COL28A1: variants seen among roughly 807,000 people sequenced by gnomAD.
COL28A1 encodes the protein collagen type XXVIII alpha 1 chain, also known as collagen alpha-1(XXVIII) chain.
COL28A1 carries 161 observed loss-of-function variants against 150.2 expected under a neutral mutation model. The ratio of observed to expected loss-of-function variants is 1.07; its 90% confidence interval spans 0.94 to 1.22. The LOEUF (loss-of-function observed/expected upper bound fraction) is 1.22, where lower values mean the gene tolerates loss of function less well. Among genes scored for constraint, COL28A1 ranks in the 50% most tolerant of loss-of-function variants. COL28A1 has a pLI of 0.00. For synonymous variants in COL28A1, 552 were observed against 469.7 expected (o/e 1.18, Z -2.26); for missense variants, 1,617 against 1,388.3 (o/e 1.16, Z -2.62).
At position 7,419,904 on chromosome 7, in the gene COL28A1, A is replaced by G; in HGVS notation, c.2048T>C (p.Val683Ala). The change falls in exon 26 of 35, where the codon GTA becomes GCA. Residue 683 changes from valine to alanine, a missense_variant. Physicochemically the swap from Val to Ala is moderately conservative, Grantham distance 64. Coordinates refer to ENST00000399429, the MANE Select transcript of COL28A1 (RefSeq NM_001037763.3). ...ACTCACCTTTGGCCCTTGGGTTCCT[A>G]CGCCCCGAGGCCCAGAAGGACCTGG... is the stretch of plus-strand genomic sequence containing the variant. ...GPPGPSGPRG[V>A]GTQGPKGDTG... 1 of 1,601,016 alleles carries G rather than the reference A, an allele frequency of 6.2e-7. No individual in the cohort carries two copies. Among genetic ancestry groups the G allele is most frequent in the Non-Finnish European group, 8.5e-7 (1 of 1,174,170 alleles).
chr7:7,503,203 T>G (rs536600020), intron 11 of COL28A1, among the ~76,000 whole-genome samples: 1 of 152,322 alleles, frequency 6.6e-6, no homozygotes, highest in African/African-American at 2.4e-5. Flanking sequence ...AGCAGACTTG[T>G]GGGTTTCAAT....
At chr7:7,417,607 G>T in intron 27 of COL28A1, 1 of 415,236 alleles carries the variant, frequency 2.4e-6, no homozygotes, top group South Asian at 3.1e-5. Context: ...TCACAAAGAG[G>T]GGAAAGCAAC....
chr7:7,355,508 G>A (rs895749924), downstream of COL28A1, among the ~76,000 whole-genome samples: 1 of 152,092 alleles, frequency 6.6e-6, no homozygotes, highest in African/African-American at 2.4e-5. Context: ...TACTCAGGAG[G>A]CTGAGGTGAG....
At chr7:7,411,086 A>C (rs1475092331) in intron 27 of COL28A1, among the ~76,000 whole-genome samples, 1 of 152,166 alleles carries the variant, frequency 6.6e-6, no homozygotes, top group Non-Finnish European at 1.5e-5. Context: ...GCTCCATGTG[A>C]GATTTCCACT....
intron 13 of COL28A1, among the ~76,000 whole-genome samples, chr7:7,478,647 G>A (rs1316704160): frequency 6.6e-6 from 1 of 152,244 alleles, no homozygotes; most frequent in Non-Finnish European, 1.5e-5. Flanking sequence ...GCGGGTTGGG[G>A]AGACTCAGGC....
At position 7,531,629 on chromosome 7, in the gene COL28A1, A is replaced by C; in HGVS notation, c.400T>G (p.Tyr134Asp). 6.2e-7 allele frequency: 1 copy of C among 1,605,488 alleles called. No homozygotes were observed. Among genetic ancestry groups the C allele is most frequent in the Non-Finnish European group, 8.5e-7 (1 of 1,172,050 alleles). Residue 134 changes from tyrosine to aspartate, a missense_variant, in exon 3 of 35, where the codon TAT becomes GAT. Tyr to Asp is a radical substitution (Grantham distance 160, BLOSUM62 -3). Transcript: ENST00000399429. ...CTAGTGGCATTGGAAATGGCATAAT[A>C]AGAGAAGGTACCTTGCCCTATTAAA... is the stretch of plus-strand genomic sequence containing the variant. ...MNLIGQGTFS[Y>D]YAISNATRLL...
intron 3 of COL28A1, among the ~76,000 whole-genome samples, chr7:7,530,387 C>G (rs10259911): frequency 6.6e-6 from 1 of 152,174 alleles, no homozygotes; most frequent in East Asian, 1.9e-4. Context: ...AGAAAAAGAT[C>G]GAGGGATAAG....
chr7:7,357,261 G>C (rs1437477409), downstream of COL28A1, among the ~76,000 whole-genome samples: 1 of 152,140 alleles, frequency 6.6e-6, no homozygotes, highest in Non-Finnish European at 1.5e-5. Flanking sequence ...TGTTGGCCAG[G>C]CTGTTCTCAA....
At chr7:7,400,244 G>T (rs968611660) in intron 27 of COL28A1, among the ~76,000 whole-genome samples, 4 of 152,278 alleles carry the variant, frequency 2.6e-5, no homozygotes, top group African/African-American at 9.6e-5. Flanking sequence ...TGTGGCATGG[G>T]TGATTATCCT....
At chr7:7,460,702 T>C (rs919110503) in intron 15 of COL28A1, among the ~76,000 whole-genome samples, 2 of 152,246 alleles carry the variant, frequency 1.3e-5, no homozygotes, top group Non-Finnish European at 2.9e-5. Flanking sequence ...TTTTAACAAC[T>C]GTTTTCTTTA....
intron 9 of COL28A1, 52 bp downstream of exon 9, chr7:7,511,039 C>G: frequency 6.7e-7 from 1 of 1,481,796 alleles, no homozygotes; most frequent in Non-Finnish European, 9.4e-7. Flanking sequence ...CTTAAGGAAA[C>G]GCAACCCAAA....
rs753770623 is a variant in COL28A1, at chr7:7,452,348, G to T, written c.1480C>A (p.Pro494Thr). The T allele has an allele frequency of 6.2e-7, 1 of 1,606,086 alleles. No homozygotes were observed. Residue 494 changes from proline to threonine, a missense_variant, in exon 18 of 35, where the codon CCA (proline) becomes ACA (threonine). Physicochemically the swap from Pro to Thr is conservative, Grantham distance 38. Coordinates refer to ENST00000399429, the MANE Select transcript of COL28A1 (RefSeq NM_001037763.3). ...GQMGPTGPRGPVGIGVQGPKG... is the reference protein window; with the variant it reads ...GQMGPTGPRGTVGIGVQGPKG... Reference sequence around the variant, plus strand: ...GGACCTTGTACTCCAATTCCCACTGGTCCTCGAGGGCCTGTAGGTCCCATT... The same window carrying T: ...GGACCTTGTACTCCAATTCCCACTGTTCCTCGAGGGCCTGTAGGTCCCATT...
intron 25 of COL28A1, among the ~76,000 whole-genome samples, chr7:7,429,722 T>C (rs1784846977): frequency 6.6e-6 from 1 of 152,094 alleles, no homozygotes; most frequent in East Asian, 1.9e-4. Flanking sequence ...ACAACACAAT[T>C]TCCATGGGAA....
chr7:7,339,273 G>C, the COL28A1 span, among the ~76,000 whole-genome samples: 112,274 of 152,020 alleles, frequency 0.74, 41,689 homozygotes, highest in East Asian at 0.88. Flanking sequence ...ACTACTCTTG[G>C]TCTCTTCACT....
At chr7:7,450,924 T>G (rs993533139) in intron 18 of COL28A1, among the ~76,000 whole-genome samples, 4 of 152,204 alleles carry the variant, frequency 2.6e-5, no homozygotes, top group Non-Finnish European at 5.9e-5. Flanking sequence ...CAGAATGATA[T>G]ATCATGTAAA....
chr7:7,338,357 T>C, the COL28A1 span, among the ~76,000 whole-genome samples: 3 of 152,172 alleles, frequency 2.0e-5, no homozygotes, highest in South Asian at 2.1e-4. Flanking sequence ...CTTTGTGTCA[T>C]CTCTGCTTTC....
rs776892159 is a variant in COL28A1, at chr7:7,507,075, G to T, written c.972+42C>A. 19 of 905,242 alleles carry T rather than the reference G, an allele frequency of 2.1e-5. No homozygotes were observed. In the African/African-American group the frequency reaches 3.1e-4, roughly 15 times the overall value. The allele number at this position is 905,242 out of a possible 1,614,324, so 56.1% of individuals were successfully genotyped here. On this transcript the variant is annotated intron_variant, in intron 10 of 34. Transcript: ENST00000399429. Reference sequence around the variant, plus strand: ...AGGGGATGGTTTAAAAACTCCCCAGGTGATTCTAATTCAAACTTAGATTTG... The same window carrying T: ...AGGGGATGGTTTAAAAACTCCCCAGTTGATTCTAATTCAAACTTAGATTTG...
chr7:7,380,165 GAGA>G (rs1304462839), intron 30 of COL28A1, among the ~76,000 whole-genome samples: 1 of 152,166 alleles, frequency 6.6e-6, no homozygotes, highest in African/African-American at 2.4e-5. Flanking sequence ...ATGGTGTGGG[GAGA>G]AGAACAGGGA....
intron 12 of COL28A1, among the ~76,000 whole-genome samples, 166 bp downstream of exon 12, chr7:7,490,412 G>T (rs564771632): frequency 1.8e-4 from 28 of 152,256 alleles, no homozygotes; most frequent in African/African-American, 6.0e-4. Flanking sequence ...TGTGGTAACT[G>T]CCCCTGACAA....
Sources: gnomAD v4.1 joint callset for allele counts (sites outside exome capture counted in the v4.1 genomes callset) on GRCh38, gnomAD v4.1.1 for gene constraint, MANE v1.5 for transcripts, NCBI Gene and HGNC (gene_info 2026-07-23, HGNC 2026-07-21) for gene names.